Variants in NBEA observed in about 807,000 individuals in gnomAD.
NBEA encodes the protein neurobeachin, also known as lysosomal-trafficking regulator 2.
Under a neutral mutation model 343.4 loss-of-function variants are expected in NBEA, and 44 were observed. The ratio of observed to expected loss-of-function variants is 0.13; its 90% CI spans 0.10 to 0.16. The LOEUF (loss-of-function observed/expected upper bound fraction) is 0.16, where lower values mean the gene tolerates loss of function less well. Among genes scored for constraint, NBEA ranks in the 10% least tolerant of loss-of-function variants. The pLI is 1.00. For missense variants in NBEA, 2,555 were observed against 3,631.3 expected (o/e 0.70, Z 7.62); for synonymous variants, 1,175 against 1,238.7 (o/e 0.95, Z 1.08).
At chr13:35,491,238 A>G (rs1239052558) in intron 41 of NBEA, among the ~76,000 whole-genome samples, 1 of 151,840 alleles carries the variant, frequency 6.6e-6, no homozygotes, top group African/African-American at 2.4e-5. Context: ...TTTGCTGGTT[A>G]TTTTGATAGC....
intron 12 of NBEA, 38 bp from the exon 13 acceptor site, chr13:35,110,772 T>G (rs772835326): frequency 2.6e-6 from 4 of 1,544,676 alleles, no homozygotes; most frequent in Non-Finnish European, 2.7e-6. Context: ...TGAGGCATTT[T>G]AAATTCATTT....
chr13:35,033,758 G>A (rs1420163970), intron 1 of NBEA, among the ~76,000 whole-genome samples: 2 of 151,506 alleles, frequency 1.3e-5, no homozygotes, highest in South Asian at 2.1e-4. Context: ...TTAATTTTAT[G>A]TGTGGCTATT....
intron 41 of NBEA, among the ~76,000 whole-genome samples, chr13:35,499,628 A>G (rs1433359074): frequency 6.6e-6 from 1 of 152,030 alleles, no homozygotes; most frequent in East Asian, 1.9e-4. Context: ...CTAAGAACTA[A>G]TTTGAGCTTC....
At chr13:35,170,174 G>A (rs778566373) in intron 25 of NBEA, among the ~76,000 whole-genome samples, 1 of 151,492 alleles carries the variant, frequency 6.6e-6, no homozygotes. Flanking sequence ...TTCTGCTCAC[G>A]TTTCCATGTT....
chr13:35,591,326 T>C, intron 46 of NBEA, among the ~76,000 whole-genome samples: 1 of 152,108 alleles, frequency 6.6e-6, no homozygotes, highest in Middle Eastern at 3.2e-3. Context: ...TTATTTAATA[T>C]AATTTAGTGA....
chr13:35,425,253 A>G (rs941875511), intron 38 of NBEA, among the ~76,000 whole-genome samples: 8 of 152,034 alleles, frequency 5.3e-5, no homozygotes, highest in African/African-American at 1.9e-4. Flanking sequence ...TGTCAATTTT[A>G]AATCTTTCCT....
intron 56 of NBEA, 85 bp downstream of exon 56, chr13:35,665,271 G>T: frequency 2.6e-6 from 3 of 1,158,968 alleles, no homozygotes; most frequent in Non-Finnish European, 3.8e-6. Context: ...ATTTCTTCCA[G>T]GAAGCTTCCC....
At chr13:35,388,828 T>A (rs2042368043) in intron 38 of NBEA, among the ~76,000 whole-genome samples, 1 of 152,152 alleles carries the variant, frequency 6.6e-6, no homozygotes, top group African/African-American at 2.4e-5. Flanking sequence ...TATTTTATAT[T>A]TTCCTTCTCT....
chr13:35,577,920 A>G (rs1320520509), intron 45 of NBEA, among the ~76,000 whole-genome samples: 1 of 152,186 alleles, frequency 6.6e-6, no homozygotes, highest in Non-Finnish European at 1.5e-5. Context: ...TTACTTGAGC[A>G]CAGAAGTGTC....
chr13:35,311,364 G>A (rs1360711204), intron 36 of NBEA, among the ~76,000 whole-genome samples: 1 of 151,494 alleles, frequency 6.6e-6, no homozygotes, highest in African/African-American at 2.4e-5. Flanking sequence ...TCTCCTAAGA[G>A]TTATCAGAAT....
chr13:35,587,464 C>T (rs983647872), intron 46 of NBEA, among the ~76,000 whole-genome samples: 6 of 152,226 alleles, frequency 3.9e-5, no homozygotes, highest in Non-Finnish European at 7.4e-5. Flanking sequence ...CCTTAGTGAG[C>T]CACCACCATG....
intron 29 of NBEA, 116 bp downstream of exon 29, chr13:35,182,644 G>A: frequency 1.0e-6 from 1 of 980,410 alleles, no homozygotes; most frequent in East Asian, 2.8e-5. Flanking sequence ...TTTATGAATG[G>A]TTGGTATAGA....
chr13:35,482,416 A>G (rs959816402), intron 41 of NBEA, among the ~76,000 whole-genome samples: 7 of 151,450 alleles, frequency 4.6e-5, no homozygotes, highest in Admixed American at 3.9e-4. Context: ...TATTGTAATA[A>G]TATACATTTT....
chr13:35,564,160 G>T (rs34746121), intron 44 of NBEA, among the ~76,000 whole-genome samples: 30,768 of 151,792 alleles, frequency 0.2, 3,454 homozygotes, highest in South Asian at 0.29. Flanking sequence ...TTTAAATACT[G>T]TGTTTATGTA....
At chr13:35,191,509 G>A (rs181503504) in intron 30 of NBEA, among the ~76,000 whole-genome samples, 112 of 151,930 alleles carry the variant, frequency 7.4e-4, no homozygotes, top group Non-Finnish European at 9.1e-4. Flanking sequence ...ATAAATAATC[G>A]CAAATAATTC....
intron 2 of NBEA, among the ~76,000 whole-genome samples, chr13:35,043,166 C>T (rs1257019720): frequency 6.6e-6 from 1 of 151,384 alleles, no homozygotes; most frequent in Non-Finnish European, 1.5e-5. Context: ...TTTCTGATTA[C>T]TTTTAATCTT....
At chr13:35,199,807 C>A (rs1238866588) in intron 31 of NBEA, among the ~76,000 whole-genome samples, 1 of 151,956 alleles carries the variant, frequency 6.6e-6, no homozygotes, top group East Asian at 1.9e-4. Context: ...AACCTTTTTT[C>A]TTTACTATTA....
intron 45 of NBEA, among the ~76,000 whole-genome samples, chr13:35,581,645 A>C (rs911787517): frequency 6.2e-4 from 93 of 149,156 alleles, no homozygotes; most frequent in African/African-American, 2.1e-3. Context: ...AAAAAACCAA[A>C]CACCACATAT....
chr13:35,615,939 AG>A (rs1054103705), intron 48 of NBEA, among the ~76,000 whole-genome samples: 1 of 152,172 alleles, frequency 6.6e-6, no homozygotes, highest in Non-Finnish European at 1.5e-5. Context: ...TTTCACTGCC[AG>A]GAAACCCTGA....
Sources: allele counts gnomAD v4.1 joint callset (sites outside exome capture counted in the v4.1 genomes callset), GRCh38; gene constraint gnomAD v4.1.1; transcripts MANE v1.5; gene names NCBI Gene and HGNC (gene_info 2026-07-23, HGNC 2026-07-21).